The following CDYL2 variants were observed in gnomAD, a reference collection of about 807,000 sequenced individuals.
CDYL2 encodes the protein chromodomain Y like 2.
In CDYL2, 23 loss-of-function variants were observed where a neutral mutation model predicts 49.4. The ratio of observed to expected loss-of-function variants is 0.47; its 90% CI spans 0.34 to 0.66. The LOEUF (loss-of-function observed/expected upper bound fraction) is 0.66, where lower values mean the gene tolerates loss of function less well. Among genes scored for constraint, CDYL2 ranks in the 30% least tolerant of loss-of-function variants. The pLI, the probability that CDYL2 is intolerant of heterozygous loss-of-function variation, is 0.01. For missense variants in CDYL2, 678 were observed against 656.4 expected, an observed-to-expected ratio of 1.03 and a Z score of -0.36; for synonymous variants, 360 against 268.8, an observed-to-expected ratio of 1.34 and a Z score of -3.32.
intron 1 of CDYL2, among the ~76,000 whole-genome samples, chr16:80,689,150 G>A (rs1910313724): frequency 6.6e-6 from 1 of 152,142 alleles, no homozygotes; most frequent in Non-Finnish European, 1.5e-5. Context: ...TCAAAAATAA[G>A]CAATCTGAGA....
At chr16:80,676,887 G>C (rs1428379838) in intron 2 of CDYL2, among the ~76,000 whole-genome samples, 1 of 150,860 alleles carries the variant, frequency 6.6e-6, no homozygotes, top group Non-Finnish European at 1.5e-5. Flanking sequence ...GTTTAGATTT[G>C]CCTGCAAAAC....
intron 1 of CDYL2, among the ~76,000 whole-genome samples, chr16:80,751,245 G>A (rs184191117): frequency 7.9e-5 from 12 of 152,276 alleles, no homozygotes; most frequent in Admixed American, 7.2e-4. Context: ...GCCAAGAGGA[G>A]GAGAAAAGCT....
intron 2 of CDYL2, among the ~76,000 whole-genome samples, chr16:80,678,813 G>A (rs992690265): frequency 1.3e-5 from 2 of 151,144 alleles, no homozygotes; most frequent in African/African-American, 4.9e-5. Context: ...ACATGCACAC[G>A]TATGTTTATT....
intron 2 of CDYL2, among the ~76,000 whole-genome samples, chr16:80,675,480 A>T (rs1173043824): frequency 1.3e-5 from 2 of 152,180 alleles, no homozygotes; most frequent in African/African-American, 4.8e-5. Context: ...GTTAGCTACT[A>T]TTGCTACCAT....
At chr16:80,716,166 C>T (rs544803656) in intron 1 of CDYL2, among the ~76,000 whole-genome samples, 1 of 152,372 alleles carries the variant, frequency 6.6e-6, no homozygotes, top group East Asian at 1.9e-4. Context: ...TCATTCTTAT[C>T]TCAGCTCAAA....
At chr16:80,762,462 C>T (rs1233905910) in intron 1 of CDYL2, among the ~76,000 whole-genome samples, 1 of 152,090 alleles carries the variant, frequency 6.6e-6, no homozygotes, top group Non-Finnish European at 1.5e-5. Flanking sequence ...CGGTGGGCAA[C>T]GCTAAAACCC....
chr16:80,613,471 T>C (rs1412405278), intron 4 of CDYL2, among the ~76,000 whole-genome samples: 1 of 152,180 alleles, frequency 6.6e-6, no homozygotes, highest in East Asian at 1.9e-4. Context: ...GATTCTGAAT[T>C]ACCTGCAGGG....
intron 1 of CDYL2, among the ~76,000 whole-genome samples, chr16:80,730,237 C>CAAT (rs1905281842): frequency 6.6e-6 from 1 of 152,024 alleles, no homozygotes; most frequent in South Asian, 2.1e-4. Context: ...AGAGAAGAAT[C>CAAT]AAACAGATGC....
intron 1 of CDYL2, among the ~76,000 whole-genome samples, chr16:80,784,657 C>G (rs1044608708): frequency 1.3e-5 from 2 of 152,196 alleles, no homozygotes; most frequent in Non-Finnish European, 2.9e-5. Context: ...TTCTGGAATA[C>G]TTGAAAGACC....
At chr16:80,751,844 C>G (rs975388015) in intron 1 of CDYL2, among the ~76,000 whole-genome samples, 2 of 152,122 alleles carry the variant, frequency 1.3e-5, no homozygotes, top group African/African-American at 4.8e-5. Context: ...CGGCTTCCGT[C>G]TCTGATTGAA....
At chr16:80,709,150 G>A (rs1011676571) in intron 1 of CDYL2, among the ~76,000 whole-genome samples, 8 of 152,110 alleles carry the variant, frequency 5.3e-5, no homozygotes, top group Non-Finnish European at 1.2e-4. Flanking sequence ...TTGGGAGGCC[G>A]AGGTGGGCAG....
intron 2 of CDYL2, among the ~76,000 whole-genome samples, chr16:80,677,339 T>C (rs991042170): frequency 3.3e-5 from 5 of 152,228 alleles, no homozygotes; most frequent in African/African-American, 1.2e-4. Flanking sequence ...TGTTGAGTTG[T>C]ATTTCTCTAT....
chr16:80,750,816 G>C (rs1400529088), intron 1 of CDYL2, among the ~76,000 whole-genome samples: 1 of 152,112 alleles, frequency 6.6e-6, no homozygotes, highest in Admixed American at 6.5e-5. Context: ...TCAGGAGATC[G>C]AGACCATCGT....
chr16:80,659,555 G>A (rs1327879748), intron 2 of CDYL2, among the ~76,000 whole-genome samples: 1 of 151,530 alleles, frequency 6.6e-6, no homozygotes, highest in Non-Finnish European at 1.5e-5. Context: ...TCTACACTCA[G>A]ATGGTACAGA....
intron 1 of CDYL2, among the ~76,000 whole-genome samples, chr16:80,712,188 T>TAC (rs1190686287): frequency 5.0e-5 from 1 of 20,158 alleles, no homozygotes; most frequent in Non-Finnish European, 9.1e-5. Context: ...TGTGTCTGTG[T>TAC]GTGTATATAT....
intron 2 of CDYL2, among the ~76,000 whole-genome samples, chr16:80,675,564 G>T (rs1909710323): frequency 6.6e-6 from 1 of 152,148 alleles, no homozygotes; most frequent in Non-Finnish European, 1.5e-5. Context: ...GAGGAGTCAG[G>T]GTGGAGGAAG....
At chr16:80,787,638 T>A (rs1432864836) in intron 1 of CDYL2, among the ~76,000 whole-genome samples, 1 of 152,158 alleles carries the variant, frequency 6.6e-6, no homozygotes, top group Admixed American at 6.6e-5. Context: ...GTGTGTATTA[T>A]CTCATATCTC....
At chr16:80,623,241 G>A (rs764647056) in intron 3 of CDYL2, among the ~76,000 whole-genome samples, 3 of 152,062 alleles carry the variant, frequency 2.0e-5, no homozygotes, top group Non-Finnish European at 2.9e-5. Flanking sequence ...CGCCTCTGGG[G>A]CTACGGTTGG....
At chr16:80,667,864 A>G (rs1221015469) in intron 2 of CDYL2, among the ~76,000 whole-genome samples, 1 of 152,220 alleles carries the variant, frequency 6.6e-6, no homozygotes, top group African/African-American at 2.4e-5. Context: ...CTTATAAATT[A>G]AGAATCTGGC....
Sources: allele counts gnomAD v4.1 joint callset (sites outside exome capture counted in the v4.1 genomes callset), GRCh38; gene constraint gnomAD v4.1.1; transcripts MANE v1.5; gene names NCBI Gene and HGNC (gene_info 2026-07-23, HGNC 2026-07-21).